SEMA3A: variants seen among roughly 807,000 people sequenced by gnomAD.
SEMA3A encodes the protein semaphorin 3A, also known as semaphorin-3A.
In SEMA3A, 29 loss-of-function variants were observed where a neutral mutation model predicts 97.9. That is an observed-to-expected ratio of 0.30 (90% CI 0.22 to 0.40). The LOEUF is 0.40. Among genes scored for constraint, SEMA3A ranks in the 10% least tolerant of loss-of-function variants. The probability of loss-of-function intolerance (pLI) is 1.00; values close to 1 mark genes in which losing one functional copy is unlikely to be tolerated. For synonymous variants in SEMA3A, 321 were observed against 323.7 expected (o/e 0.99, Z 0.09); for missense variants, 763 against 951.3 (o/e 0.80, Z 2.60).
chr7:84,367,554 T>A (rs978826622), intron 2 of SEMA3A, among the ~76,000 whole-genome samples: 2 of 150,834 alleles, frequency 1.3e-5, no homozygotes, highest in African/African-American at 4.8e-5. Context: ...TGATCTAGTA[T>A]AGCTCCACAC....
At chr7:84,373,045 C>T (rs955772732) in intron 1 of SEMA3A, among the ~76,000 whole-genome samples, 2 of 152,154 alleles carry the variant, frequency 1.3e-5, no homozygotes, top group Non-Finnish European at 2.9e-5. Flanking sequence ...TTTGCCGTCA[C>T]CATAAAATGT....
At chr7:84,298,957 A>G (rs1800931404) in intron 3 of SEMA3A, among the ~76,000 whole-genome samples, 2 of 152,046 alleles carry the variant, frequency 1.3e-5, no homozygotes, top group Non-Finnish European at 2.9e-5. Flanking sequence ...CTAATGGGCT[A>G]GATGCTTCCT....
intron 12 of SEMA3A, among the ~76,000 whole-genome samples, chr7:83,994,136 G>A (rs1302918412): frequency 2.0e-5 from 3 of 148,218 alleles, no homozygotes; most frequent in African/African-American, 7.5e-5. Context: ...CATTCTTCAT[G>A]TAGTTCTCGA....
At chr7:84,114,785 T>A (rs1795377088) in intron 3 of SEMA3A, among the ~76,000 whole-genome samples, 1 of 152,134 alleles carries the variant, frequency 6.6e-6, no homozygotes, top group Non-Finnish European at 1.5e-5. Context: ...TTTTTTCTTT[T>A]AACATTGTGC....
intron 3 of SEMA3A, among the ~76,000 whole-genome samples, chr7:84,289,220 G>A (rs10255994): frequency 0.026 from 3,895 of 152,048 alleles, 171 homozygotes; most frequent in African/African-American, 0.089. Flanking sequence ...AAGGGTAGGC[G>A]GGAGGACAGG....
At chr7:84,405,697 C>G (rs1049651414) in intron 1 of SEMA3A, among the ~76,000 whole-genome samples, 1 of 152,210 alleles carries the variant, frequency 6.6e-6, no homozygotes, top group African/African-American at 2.4e-5. Context: ...CAAACTGTCT[C>G]TCAGACCACA....
At chr7:84,208,296 C>G (rs897256073) in intron 3 of SEMA3A, among the ~76,000 whole-genome samples, 15 of 151,886 alleles carry the variant, frequency 9.9e-5, no homozygotes, top group African/African-American at 3.1e-4. Context: ...ACTAAAAATA[C>G]AAAAAATTAG....
chr7:84,398,378 T>C (rs1377986033), intron 1 of SEMA3A, among the ~76,000 whole-genome samples: 1 of 152,182 alleles, frequency 6.6e-6, no homozygotes. Context: ...GCACGTGACA[T>C]TCATGACAAT....
chr7:84,102,548 A>G (rs1222171439), intron 4 of SEMA3A, among the ~76,000 whole-genome samples: 4 of 145,660 alleles, frequency 2.7e-5, no homozygotes, highest in Non-Finnish European at 4.5e-5. Context: ...CAAGGAGAGT[A>G]TCCTCTGGTG....
intron 1 of SEMA3A, among the ~76,000 whole-genome samples, chr7:84,439,803 A>G (rs2715044): frequency 0.14 from 21,578 of 152,220 alleles, 3,146 homozygotes; most frequent in African/African-American, 0.36. Context: ...AGAATAATAA[A>G]ATAGAAACAA....
intron 3 of SEMA3A, among the ~76,000 whole-genome samples, chr7:84,226,985 TAG>T (rs1460185322): frequency 6.6e-6 from 1 of 152,066 alleles, no homozygotes; most frequent in South Asian, 2.1e-4. Flanking sequence ...CTTTGTAGGA[TAG>T]AGAGACAATA....
Position 84,313,376 on chromosome 7 carries a change from A to G in SEMA3A, c.-168-6084T>C, listed in dbSNP as rs1193360156. 9.4e-4 allele frequency among the ~76,000 whole-genome samples: 74 copies of G among 78,832 alleles called. 2 individuals carry two copies. Among genetic ancestry groups the G allele is most frequent in the African/African-American group, 2.8e-3 (68 of 24,640 alleles). 51.7% of individuals were successfully genotyped at this position (78,832 alleles called of 152,430 possible). On this transcript the variant is annotated intron_variant, in intron 2 of 3. Transcript: ENST00000424555. Reference sequence around the variant, plus strand: ...TGTGTGTATATATATATATATATATATATATATATATATATATATATATAT... The same window carrying G: ...TGTGTGTATATATATATATATATATGTATATATATATATATATATATATAT...
chr7:84,229,462 C>G (rs1023327174), intron 3 of SEMA3A, among the ~76,000 whole-genome samples: 1 of 151,978 alleles, frequency 6.6e-6, no homozygotes, highest in African/African-American at 2.4e-5. Flanking sequence ...ATTATTTAAC[C>G]TTGGATTGCT....
At chr7:84,357,125 TA>T (rs2116046689) in intron 2 of SEMA3A, among the ~76,000 whole-genome samples, 1 of 150,660 alleles carries the variant, frequency 6.6e-6, no homozygotes, top group African/African-American at 2.4e-5. Context: ...TTTTTTCTTT[TA>T]TATATATATA....
chr7:83,996,962 TCATC>T (rs1790247522), intron 12 of SEMA3A, among the ~76,000 whole-genome samples: 1 of 152,214 alleles, frequency 6.6e-6, no homozygotes, highest in Non-Finnish European at 1.5e-5. Flanking sequence ...AGATTTGATT[TCATC>T]CCAAATAAAA....
chr7:84,484,631 T>C (rs1321214233), intron 1 of SEMA3A, among the ~76,000 whole-genome samples: 1 of 152,054 alleles, frequency 6.6e-6, no homozygotes, highest in Non-Finnish European at 1.5e-5. Flanking sequence ...TAACATAGGA[T>C]GTAAAGATTT....
In SEMA3A at chr7:84,173,322, G is replaced by A. The variant is rs929501387; in HGVS notation, c.112+21153C>T. Among the ~76,000 whole-genome samples the A allele has an allele frequency of 7.2e-5, 11 of 152,030 alleles. No homozygotes were observed. In the South Asian group the frequency reaches 1.0e-3, roughly 14 times the overall value. On this transcript the variant is annotated intron_variant, in intron 1 of 16. Transcript: ENST00000265362. ...CGTAATCCCAGCACTTTGGGAGGCC[G>A]AGGCGGGTGAATCACCTGAGATCAG...
chr7:84,285,536 G>T (rs762964256), intron 3 of SEMA3A, among the ~76,000 whole-genome samples: 11 of 152,092 alleles, frequency 7.2e-5, no homozygotes, highest in African/African-American at 2.2e-4. Context: ...GCCAACAATT[G>T]TAAGTGACTA....
intron 9 of SEMA3A, among the ~76,000 whole-genome samples, chr7:84,008,263 G>A (rs1251980765): frequency 4.6e-5 from 7 of 152,116 alleles, no homozygotes; most frequent in Admixed American, 3.9e-4. Context: ...AGGCCAAGGC[G>A]GGCGGATCAC....
Sources: gnomAD v4.1 joint callset for allele counts (sites outside exome capture counted in the v4.1 genomes callset) on GRCh38, gnomAD v4.1.1 for gene constraint, MANE v1.5 for transcripts, NCBI Gene and HGNC (gene_info 2026-07-23, HGNC 2026-07-21) for gene names.